The following LRRC8D variants were observed in gnomAD, a reference collection of about 807,000 sequenced individuals.
LRRC8D encodes the protein leucine rich repeat containing 8 VRAC subunit D, also known as volume-regulated anion channel subunit LRRC8D.
LRRC8D carries 20 observed loss-of-function variants against 55.8 expected under a neutral mutation model. The ratio of observed to expected loss-of-function variants is 0.36; its 90% confidence interval spans 0.25 to 0.52. LRRC8D has a LOEUF of 0.52. LRRC8D is among the 20% of genes least tolerant of loss of function. The pLI is 0.93. For missense variants in LRRC8D, 651 were observed against 1,030.8 expected (o/e 0.63, Z 5.05); for synonymous variants, 352 against 377.0 (o/e 0.93, Z 0.77).
At chr1:89,845,010 C>T (rs558759989) in intron 2 of LRRC8D, among the ~76,000 whole-genome samples, 1 of 152,254 alleles carries the variant, frequency 6.6e-6, no homozygotes, top group Non-Finnish European at 1.5e-5. Context: ...AAGATCTCTC[C>T]CTGTAGCACA....
intron 1 of LRRC8D, among the ~76,000 whole-genome samples, chr1:89,823,128 T>C (rs752024353): frequency 1.3e-5 from 2 of 152,116 alleles, no homozygotes; most frequent in Non-Finnish European, 2.9e-5. Flanking sequence ...TTATTGAGAG[T>C]GTATGTGTGC....
At chr1:89,872,670 C>T (rs192277925) in intron 2 of LRRC8D, among the ~76,000 whole-genome samples, 21 of 152,272 alleles carry the variant, frequency 1.4e-4, no homozygotes, top group South Asian at 8.3e-4. Flanking sequence ...TCTGGGTTCT[C>T]TCTGCTTACT....
intron 2 of LRRC8D, among the ~76,000 whole-genome samples, chr1:89,875,760 AGT>A (rs1272100617): frequency 6.6e-6 from 1 of 152,216 alleles, no homozygotes; most frequent in Non-Finnish European, 1.5e-5. Flanking sequence ...TATGCCAAGC[AGT>A]GTTCTAAGTG....
chr1:89,917,473 T>G (rs1355687847), intron 2 of LRRC8D, among the ~76,000 whole-genome samples: 2 of 152,170 alleles, frequency 1.3e-5, no homozygotes, highest in Non-Finnish European at 2.9e-5. Flanking sequence ...AAGCATCATC[T>G]CACACTGCAT....
chr1:89,824,000 A>G (rs1335215247), intron 1 of LRRC8D, among the ~76,000 whole-genome samples: 1 of 152,208 alleles, frequency 6.6e-6, no homozygotes, highest in African/African-American at 2.4e-5. Context: ...CCTCAAGACC[A>G]GTGGCTCTCA....
chr1:89,934,601 A>C lies in LRRC8D; in HGVS notation c.1533A>C (p.Gln511His). The change falls in exon 3 of 3, where the codon CAA (glutamine) becomes CAC (histidine). Residue 511 changes from glutamine to histidine, a missense_variant. Physicochemically the swap from Gln to His is conservative, Grantham distance 24. Coordinates refer to ENST00000337338, the MANE Select transcript of LRRC8D (RefSeq NM_001134479.2). This position sits in a 1 kb window ranked among gnomAD's most constrained non-coding sequence, Gnocchi z 5.9. ...CTAAAATTCCTGCTAAGATTTCTCAAATGACTAACCTCCAAGAGCTCCACC... is the reference window on the plus strand; with the variant it reads ...CTAAAATTCCTGCTAAGATTTCTCACATGACTAACCTCCAAGAGCTCCACC... ...PEAKIPAKIS[Q>H]MTNLQELHLC... 1 of 1,614,172 alleles carries C rather than the reference A, an allele frequency of 6.2e-7. No homozygotes were observed. Among genetic ancestry groups the C allele is most frequent in the South Asian group, 1.1e-5 (1 of 91,084 alleles).
chr1:89,884,974 T>C (rs896727314), intron 2 of LRRC8D, among the ~76,000 whole-genome samples: 7 of 152,196 alleles, frequency 4.6e-5, no homozygotes, highest in African/African-American at 1.4e-4. Context: ...AGCTAAGTTA[T>C]GACAGCAACC....
At chr1:89,851,681 T>G (rs1661421704) in intron 2 of LRRC8D, among the ~76,000 whole-genome samples, 1 of 152,056 alleles carries the variant, frequency 6.6e-6, no homozygotes, top group East Asian at 1.9e-4. Flanking sequence ...GGCTAATTTT[T>G]TGTATTTTAG....
intron 2 of LRRC8D, among the ~76,000 whole-genome samples, chr1:89,884,793 A>G (rs537842648): frequency 3.3e-5 from 5 of 152,224 alleles, no homozygotes; most frequent in Non-Finnish European, 7.3e-5. Flanking sequence ...GTAACTGGTA[A>G]TAACAATTAC....
chr1:89,935,689 A>C lies in LRRC8D; in HGVS notation c.*44A>C. ...CAGTGATGTGCAGGAACAACTTCCT[A>C]GATTGCAAGTGCTCACGTACAAGTT... On this transcript the variant is annotated 3_prime_UTR_variant, in exon 3 of 3. Transcript: ENST00000337338. 6.4e-7 allele frequency: 1 copy of C among 1,551,506 alleles called. No individual in the cohort carries two copies. The highest frequency in any genetic ancestry group is 8.8e-7 in the Non-Finnish European group (1 of 1,132,348).
intron 1 of LRRC8D, among the ~76,000 whole-genome samples, chr1:89,836,762 A>G (rs1570805881): frequency 6.6e-6 from 1 of 152,310 alleles, no homozygotes; most frequent in East Asian, 1.9e-4. Flanking sequence ...ATTAAAGGGG[A>G]CACAAAAATG....
At chr1:89,879,468 T>C (rs559777182) in intron 2 of LRRC8D, among the ~76,000 whole-genome samples, 3 of 152,214 alleles carry the variant, frequency 2.0e-5, no homozygotes, top group Admixed American at 6.5e-5. Flanking sequence ...CTGGTAGAGA[T>C]GTTGAAATGG....
intron 1 of LRRC8D, among the ~76,000 whole-genome samples, chr1:89,829,177 T>C (rs916821019): frequency 3.3e-5 from 5 of 152,272 alleles, no homozygotes; most frequent in African/African-American, 9.6e-5. Flanking sequence ...TTCTCAGATA[T>C]GGCTGCTTTT....
intron 2 of LRRC8D, among the ~76,000 whole-genome samples, chr1:89,924,586 A>G (rs1411114086): frequency 6.6e-6 from 1 of 152,226 alleles, no homozygotes; most frequent in Non-Finnish European, 1.5e-5. Flanking sequence ...AGGAAAACAA[A>G]TCATTCTACA....
intron 2 of LRRC8D, among the ~76,000 whole-genome samples, chr1:89,891,583 A>G (rs2100880021): frequency 6.6e-6 from 1 of 152,336 alleles, no homozygotes; most frequent in Middle Eastern, 3.4e-3. Flanking sequence ...ATGTTTGCCT[A>G]ACAGTGATTT....
chr1:89,874,933 A>G (rs1490960195), intron 2 of LRRC8D, among the ~76,000 whole-genome samples: 2 of 152,162 alleles, frequency 1.3e-5, no homozygotes, highest in Non-Finnish European at 2.9e-5. Flanking sequence ...AGTAGTTCCT[A>G]TACAGTGGGA....
chr1:89,828,539 T>C (rs1465368083), intron 1 of LRRC8D, among the ~76,000 whole-genome samples: 1 of 152,246 alleles, frequency 6.6e-6, no homozygotes, highest in Admixed American at 6.5e-5. Context: ...TATGAAAGGA[T>C]GATGATGGTT....
At chr1:89,852,519 G>A (rs925060898) in intron 2 of LRRC8D, among the ~76,000 whole-genome samples, 2 of 152,192 alleles carry the variant, frequency 1.3e-5, no homozygotes, top group Non-Finnish European at 2.9e-5. Context: ...AAGTTCTGAG[G>A]ATGCAATGTG....
intron 2 of LRRC8D, among the ~76,000 whole-genome samples, chr1:89,868,705 G>A (rs781477745): frequency 6.6e-6 from 1 of 152,134 alleles, no homozygotes; most frequent in Non-Finnish European, 1.5e-5. Context: ...GGAAATTTAG[G>A]TTCAGCAAGA....
Sources: gnomAD v4.1 joint callset for allele counts (sites outside exome capture counted in the v4.1 genomes callset) on GRCh38, gnomAD v4.1.1 for gene constraint, Gnocchi (gnomAD v3.1) non-coding constraint, MANE v1.5 for transcripts, NCBI Gene and HGNC (gene_info 2026-07-23, HGNC 2026-07-21) for gene names.